Variants in NPHS1 observed in about 807,000 individuals in gnomAD.
NPHS1 encodes the protein NPHS1 adhesion molecule, nephrin, also known as nephrin.
A neutral mutation model predicts 139.7 loss-of-function variants in NPHS1; 107 were observed. The ratio of observed to expected loss-of-function variants is 0.77; its 90% CI spans 0.66 to 0.90. NPHS1 has a LOEUF of 0.90. NPHS1 is among the 40% of genes least tolerant of loss of function. The pLI, the probability that NPHS1 is intolerant of heterozygous loss-of-function variation, is 0.00. For synonymous variants in NPHS1, 707 were observed against 706.6 expected (o/e 1.00, Z -0.01); for missense variants, 1,580 against 1,654.2 (o/e 0.96, Z 0.78).
At chr19:35,840,487 A>G (rs1386476229) in intron 20 of NPHS1, among the ~76,000 whole-genome samples, 1 of 150,436 alleles carries the variant, frequency 6.6e-6, no homozygotes, top group African/African-American at 2.5e-5. Flanking sequence ...GGTGCCCGCC[A>G]CCATGCCCGG....
At chr19:35,843,694 T>C in intron 16 of NPHS1, 101 bp from the exon 17 acceptor site, 4 of 1,491,228 alleles carry the variant, frequency 2.7e-6, no homozygotes, top group Non-Finnish European at 3.7e-6. Flanking sequence ...TCCAGGAAAG[T>C]TATGGGTGTG....
At chr19:35,832,545 G>GA (rs3216453) in intron 23 of NPHS1, among the ~76,000 whole-genome samples, 88,177 of 149,820 alleles carry the variant, frequency 0.59, 26,362 homozygotes, top group East Asian at 0.9. Flanking sequence ...CCCTGCCTCT[G>GA]AAAAAAAAAT....
chr19:35,844,307 C>G lies in NPHS1; in HGVS notation c.2071+12G>C. On this transcript the variant is annotated intron_variant, in intron 15 of 28. Coordinates refer to ENST00000378910, the MANE Select transcript of NPHS1 (RefSeq NM_004646.4). ...CATCCCCGGGACCCCTCCCCATGAC[C>G]ACTTCCCTCACCTGGACTGAGGCGA... 6.2e-7 allele frequency: 1 copy of G among 1,614,010 alleles called. No homozygotes were observed. The highest frequency in any genetic ancestry group is 8.5e-7 in the Non-Finnish European group (1 of 1,179,978).
At chr19:35,839,965 T>A (rs551422080) in intron 20 of NPHS1, among the ~76,000 whole-genome samples, 1 of 151,916 alleles carries the variant, frequency 6.6e-6, no homozygotes, top group African/African-American at 2.4e-5. Context: ...ACCAAATGGT[T>A]ACTTCTATGG....
At position 35,845,163 on chromosome 19, in the gene NPHS1, G is replaced by A. The variant is rs1973116969; in HGVS notation, c.1930+205C>T. Among the ~76,000 whole-genome samples, 1 of 152,142 alleles carries A rather than the reference G, an allele frequency of 6.6e-6. No homozygotes were observed. The highest frequency in any genetic ancestry group is 2.1e-4 in the South Asian group (1 of 4,828). On this transcript the variant is annotated intron_variant, in intron 14 of 28. Transcript: ENST00000378910. The surrounding 1 kb of genome is among the most constrained non-coding windows in gnomAD (Gnocchi z 5.5). Reference sequence around the variant, plus strand: ...CGCACACCTGTAGTCTCAGCTACTCGGGAGGCTGAGGTGGGAGTATCACTT... The same window carrying A: ...CGCACACCTGTAGTCTCAGCTACTCAGGAGGCTGAGGTGGGAGTATCACTT...
At chr19:35,840,845 C>T (rs1287288300) in intron 20 of NPHS1, among the ~76,000 whole-genome samples, 7 of 149,088 alleles carry the variant, frequency 4.7e-5, no homozygotes, top group East Asian at 4.0e-4. Flanking sequence ...CATGCCATCA[C>T]GCCCGGCTTT....
Position 35,851,821 on chromosome 19 carries a change from G to T in NPHS1, c.17C>A (p.Thr6Lys), listed in dbSNP as rs150180768. The T allele has an allele frequency of 6.4e-7, 1 of 1,552,062 alleles. No homozygotes were observed. The change falls in exon 1 of 29, where the codon ACG becomes AAG. Residue 6 changes from threonine (T) to lysine (K), a missense_variant. Transcript: ENST00000378910. Reference sequence around the variant, plus strand: ...CAGGAGCAGGAGAGAAGCCCTGAGCGTCGTCCCCAGGGCCATCACAGGTCC... The same window carrying T: ...CAGGAGCAGGAGAGAAGCCCTGAGCTTCGTCCCCAGGGCCATCACAGGTCC... MALGTTLRASLLLLGL... is the reference protein window; with the variant it reads MALGTKLRASLLLLGL...
chr19:35,850,623 G>C (rs1568457026), intron 4 of NPHS1, among the ~76,000 whole-genome samples, 178 bp from the exon 5 acceptor site: 1 of 152,150 alleles, frequency 6.6e-6, no homozygotes, highest in Non-Finnish European at 1.5e-5. Flanking sequence ...GAATGCCGCA[G>C]TCTTCAGTGC....
At chr19:35,844,564 G>T in intron 14 of NPHS1, 105 bp from the exon 15 acceptor site, 1 of 1,228,844 alleles carries the variant, frequency 8.1e-7, no homozygotes, top group Non-Finnish European at 1.1e-6. Flanking sequence ...GGGTCACGAC[G>T]GGGTTTAAGG....
intron 22 of NPHS1, among the ~76,000 whole-genome samples, chr19:35,838,493 T>C (rs1051073244): frequency 5.9e-5 from 9 of 151,566 alleles, no homozygotes; most frequent in African/African-American, 1.9e-4. Context: ...GCGGAGGTTG[T>C]AGTGAGCCAA....
At chr19:35,847,867 T>C in intron 11 of NPHS1, 174 bp downstream of exon 11, 1 of 657,900 alleles carries the variant, frequency 1.5e-6, no homozygotes, top group Non-Finnish European at 2.5e-6. Flanking sequence ...AGGATTCCAT[T>C]TAATTCTCAT....
chr19:35,837,076 T>A (rs12462535), intron 22 of NPHS1, among the ~76,000 whole-genome samples: 6,955 of 104,138 alleles, frequency 0.067, 221 homozygotes, highest in East Asian at 0.12. Context: ...GAAAGAAAAA[T>A]AAACTGAGCC....
At chr19:35,827,812 G>A (rs1207203841) in intron 28 of NPHS1, among the ~76,000 whole-genome samples, 1 of 152,174 alleles carries the variant, frequency 6.6e-6, no homozygotes, top group Non-Finnish European at 1.5e-5. Flanking sequence ...AGCTACTTGG[G>A]AGGCTGAGGC....
chr19:35,846,313 A>G (rs917767635), intron 11 of NPHS1, 119 bp from the exon 12 acceptor site: 10 of 1,061,614 alleles, frequency 9.4e-6, no homozygotes, highest in Non-Finnish European at 1.4e-5. Flanking sequence ...TTTTCTGATA[A>G]GGAGAAGCAC....
rs898411317 is a variant in NPHS1, at chr19:35,826,080, G to C, written c.*434C>G. Reference sequence around the variant, plus strand: ...CATGCATCAGCCTCCCAAGTAGCTGGGACTACAGGCATGCGCCACTACTCC... The same window carrying C: ...CATGCATCAGCCTCCCAAGTAGCTGCGACTACAGGCATGCGCCACTACTCC... On this transcript the variant is annotated 3_prime_UTR_variant, in exon 29 of 29. Transcript: ENST00000378910. 1.0e-5 allele frequency: 2 copies of C among 190,508 alleles called. No individual in the cohort carries two copies. The highest frequency in any genetic ancestry group is 2.2e-5 in the Non-Finnish European group (2 of 89,386). The allele number at this position is 190,508 out of a possible 1,614,324, so 11.8% of individuals were successfully genotyped here.
At chr19:35,829,351 G>A (rs1221615544) in intron 28 of NPHS1, among the ~76,000 whole-genome samples, 1 of 152,114 alleles carries the variant, frequency 6.6e-6, no homozygotes, top group East Asian at 1.9e-4. Flanking sequence ...AATCTCGTAG[G>A]ATACAAATCT....
chr19:35,837,439 T>G (rs1972982750), intron 22 of NPHS1, among the ~76,000 whole-genome samples: 1 of 152,230 alleles, frequency 6.6e-6, no homozygotes, highest in Non-Finnish European at 1.5e-5. Flanking sequence ...TGTTATTGAT[T>G]TTTTTCAAAT....
chr19:35,843,787 T>C, intron 16 of NPHS1, 194 bp from the exon 17 acceptor site: 2 of 696,444 alleles, frequency 2.9e-6, no homozygotes, highest in East Asian at 5.5e-5. Context: ...ACTATGCCTC[T>C]GTGATAATTA....
intron 28 of NPHS1, among the ~76,000 whole-genome samples, chr19:35,830,424 T>A (rs1972860848): frequency 6.6e-6 from 1 of 152,338 alleles, no homozygotes; most frequent in East Asian, 1.9e-4. Flanking sequence ...CCTTCTTTTT[T>A]TCAGAGACAG....
Sources: gnomAD v4.1 joint callset for allele counts (sites outside exome capture counted in the v4.1 genomes callset) on GRCh38, gnomAD v4.1.1 for gene constraint, Gnocchi (gnomAD v3.1) non-coding constraint, MANE v1.5 for transcripts, NCBI Gene and HGNC (gene_info 2026-07-23, HGNC 2026-07-21) for gene names.